SYCP1: variants seen among roughly 807,000 people sequenced by gnomAD.
SYCP1 encodes synaptonemal complex protein 1.
Under a neutral mutation model 153.1 loss-of-function variants are expected in SYCP1, and 64 were observed. That is an observed-to-expected ratio of 0.42 (90% CI 0.34 to 0.51). SYCP1 has a LOEUF of 0.51. Ranked by LOEUF, SYCP1 falls within the 20% of genes least tolerant of loss-of-function variation. The pLI, the probability that SYCP1 is intolerant of heterozygous loss-of-function variation, is 0.06. For missense variants in SYCP1, 997 were observed against 1,049.0 expected (o/e 0.95, Z 0.68); for synonymous variants, 384 against 341.8 (o/e 1.12, Z -1.36).
At chr1:114,904,212 A>G (rs1167587118) in intron 16 of SYCP1, among the ~76,000 whole-genome samples, 1 of 150,514 alleles carries the variant, frequency 6.6e-6, no homozygotes, top group Non-Finnish European at 1.5e-5. Flanking sequence ...CACCTCCCAG[A>G]TTCATGCCAT....
At position 114,944,975 on chromosome 1, in the gene SYCP1, A is replaced by C; in HGVS notation, c.2147A>C (p.Lys716Thr). ...GCTGAAATGGTAGCACTTATGGAAA[A>C]ACATAAGGTAATTTTTTTCTTCTTA... The part of the protein sequence containing the change: ...KIAEMVALME[K>T]HKHQYDKIIE... The change falls in exon 25 of 32, where the codon AAA (lysine) becomes ACA (threonine). Residue 716 changes from lysine (K) to threonine (T), a missense_variant. This residue lies in a region of SYCP1 where 712 missense variants were observed against 682.9 expected (regional missense o/e 1.04). Coordinates refer to ENST00000369522, the MANE Select transcript of SYCP1 (RefSeq NM_003176.4). 2 of 1,571,730 alleles carry C rather than the reference A, an allele frequency of 1.3e-6. No individual in the cohort carries two copies. Among genetic ancestry groups the C allele is most frequent in the Non-Finnish European group, 1.7e-6 (2 of 1,164,506 alleles).
Position 114,995,031 on chromosome 1 carries a change from C to T in SYCP1, c.*12C>T. On this transcript the variant is annotated 3_prime_UTR_variant, in exon 32 of 32. Transcript: ENST00000369522. ...AGTTATTTGTTTAATTTCAGAGAAT[C>T]AGTGTAGTTAAGGAGCCTAATAACG... The T allele has an allele frequency of 6.3e-7, 1 of 1,592,492 alleles. No homozygotes were observed. The highest frequency in any genetic ancestry group is 1.1e-5 in the South Asian group (1 of 87,774).
intron 16 of SYCP1, among the ~76,000 whole-genome samples, chr1:114,907,528 A>G (rs1423781260): frequency 6.7e-6 from 1 of 150,278 alleles, no homozygotes; most frequent in East Asian, 1.9e-4. Context: ...GCATGTATCC[A>G]TTACCTTGTC....
In SYCP1 at chr1:114,878,222, A is replaced by C. The variant is rs371256659; in HGVS notation, c.910+20A>C. On this transcript the variant is annotated intron_variant, in intron 12 of 31. Transcript: ENST00000369522. ...AGACAAGTAAGAGTTTATATAAGAT[A>C]ATATAATGTGCCTTATGTATTCCTC... is the stretch of plus-strand genomic sequence containing the variant. 1 of 1,388,294 alleles carries C rather than the reference A, an allele frequency of 7.2e-7. No homozygotes were observed. The highest frequency in any genetic ancestry group is 1.0e-6 in the Non-Finnish European group (1 of 992,198). 86.0% of individuals were successfully genotyped at this position (1,388,294 alleles called of 1,614,324 possible). A position where few individuals can be genotyped will look rare whatever the true frequency, so the allele number is the denominator to read the frequency against.
In SYCP1 at chr1:114,859,828, G is replaced by A. The variant is rs1333430529; in HGVS notation, c.524+18G>A. 7.5e-6 allele frequency: 5 copies of A among 663,198 alleles called. No homozygotes were observed. Among genetic ancestry groups the A allele is most frequent in the Non-Finnish European group, 8.6e-6 (4 of 462,962 alleles). The allele number at this position is 663,198 out of a possible 1,614,324, so 41.1% of individuals were successfully genotyped here. ...ATAAAAGAGTAAGTAGTAATTTAAT[G>A]AATTTGTTCTTTTCACATTTTTTAT... On this transcript the variant is annotated intron_variant, in intron 7 of 31. Coordinates refer to ENST00000369522, the MANE Select transcript of SYCP1 (RefSeq NM_003176.4).
chr1:114,947,425 C>T lies in SYCP1; in HGVS notation c.2322+105C>T, dbSNP rs12092844. 3,303 of 762,636 alleles carry T rather than the reference C, an allele frequency of 4.3e-3. 77 individuals are homozygous for T. In the African/African-American group the frequency reaches 0.053, roughly 12 times the overall value. The allele number at this position is 762,636 out of a possible 1,614,324, so 47.2% of individuals were successfully genotyped here. ...AAAATAATTTGATAAATTTTAATAA[C>T]GGGATGAGAAAATAATTTTCCCCCA... On this transcript the variant is annotated intron_variant, in intron 27 of 31. Coordinates refer to ENST00000369522, the MANE Select transcript of SYCP1 (RefSeq NM_003176.4).
At position 114,946,285 on chromosome 1, in the gene SYCP1, A is replaced by G. The variant is rs1329281568; in HGVS notation, c.2155-4A>G. On this transcript the variant is annotated splice_region_variant and splice_polypyrimidine_tract_variant and intron_variant, in intron 25 of 31. Transcript: ENST00000369522. ...ATCTAAAATGTCTTCTTTGTTTAAT[A>G]TAGCACCAATATGATAAGATCATTG... The G allele has an allele frequency of 6.5e-7, 1 of 1,539,874 alleles. No homozygotes were observed. Among genetic ancestry groups the G allele is most frequent in the East Asian group, 2.5e-5 (1 of 39,730 alleles).
At chr1:114,892,159 C>T (rs534838515) in intron 15 of SYCP1, among the ~76,000 whole-genome samples, 1 of 152,170 alleles carries the variant, frequency 6.6e-6, no homozygotes, top group East Asian at 1.9e-4. Flanking sequence ...TACTCAGGCA[C>T]TTGAGGGAGC....
intron 16 of SYCP1, among the ~76,000 whole-genome samples, chr1:114,907,643 A>G (rs890882527): frequency 8.1e-5 from 12 of 147,290 alleles, no homozygotes; most frequent in African/African-American, 2.8e-4. Context: ...GTGCAGTGGC[A>G]TGATCTCCGC....
chr1:114,871,726 A>G (rs1236452106), intron 8 of SYCP1, among the ~76,000 whole-genome samples: 1 of 151,290 alleles, frequency 6.6e-6, no homozygotes, highest in Non-Finnish European at 1.5e-5. Context: ...GCGTGTGCCA[A>G]TTTTTTTATG....
At chr1:114,964,999 G>A (rs1482180778) in intron 27 of SYCP1, among the ~76,000 whole-genome samples, 1 of 152,140 alleles carries the variant, frequency 6.6e-6, no homozygotes, top group Non-Finnish European at 1.5e-5. Flanking sequence ...CCATGAGCAT[G>A]GAATGTTTTT....
At chr1:114,886,440 T>G in intron 14 of SYCP1, 131 bp downstream of exon 14, 1 of 710,988 alleles carries the variant, frequency 1.4e-6, no homozygotes, top group Non-Finnish European at 2.0e-6. Flanking sequence ...TCAGGTCTCA[T>G]GTATAAAGTG....
chr1:114,905,309 A>G (rs1667741238), intron 16 of SYCP1, among the ~76,000 whole-genome samples: 1 of 152,160 alleles, frequency 6.6e-6, no homozygotes, highest in Non-Finnish European at 1.5e-5. Context: ...TCTTGGAAAC[A>G]TTTAATAGGG....
At chr1:114,891,278 A>C (rs1404466654) in intron 15 of SYCP1, among the ~76,000 whole-genome samples, 1 of 152,178 alleles carries the variant, frequency 6.6e-6, no homozygotes, top group Non-Finnish European at 1.5e-5. Flanking sequence ...TGTATCTTTT[A>C]GGTCAGACGT....
chr1:114,881,725 C>G (rs1413639894), intron 12 of SYCP1, among the ~76,000 whole-genome samples: 4 of 152,272 alleles, frequency 2.6e-5, no homozygotes, highest in South Asian at 2.1e-4. Flanking sequence ...TGGTCTCAAA[C>G]TCCTGGGCTC....
At chr1:114,882,845 C>T (rs1183900903) in intron 12 of SYCP1, among the ~76,000 whole-genome samples, 1 of 152,138 alleles carries the variant, frequency 6.6e-6, no homozygotes, top group Non-Finnish European at 1.5e-5. Context: ...TGATTTGAAC[C>T]TGGGCTGCAA....
At chr1:114,963,712 T>C (rs1671924053) in intron 27 of SYCP1, among the ~76,000 whole-genome samples, 1 of 152,376 alleles carries the variant, frequency 6.6e-6, no homozygotes, top group African/African-American at 2.4e-5. Flanking sequence ...CTAATTCTTT[T>C]TTATGGCTGC....
chr1:114,906,499 A>G (rs892423203), intron 16 of SYCP1, among the ~76,000 whole-genome samples: 3 of 152,062 alleles, frequency 2.0e-5, no homozygotes, highest in African/African-American at 4.8e-5. Context: ...AAGCATTTGC[A>G]TGCTATAAAT....
At chr1:114,958,170 T>A (rs1671554346) in intron 27 of SYCP1, among the ~76,000 whole-genome samples, 1 of 152,178 alleles carries the variant, frequency 6.6e-6, no homozygotes. Flanking sequence ...TATTGTGTTA[T>A]GTGAAATAAG....
Sources: allele counts gnomAD v4.1 joint callset (sites outside exome capture counted in the v4.1 genomes callset), GRCh38; gene constraint gnomAD v4.1.1; regional missense constraint gnomAD v4.1.1; transcripts MANE v1.5; gene names NCBI Gene and HGNC (gene_info 2026-07-23, HGNC 2026-07-21).